ZNRF1: variants seen among roughly 807,000 people sequenced by gnomAD.
The protein encoded by ZNRF1 is zinc and ring finger 1, also known as E3 ubiquitin-protein ligase ZNRF1.
In ZNRF1, 3 loss-of-function variants were observed where a neutral mutation model predicts 18.4. That is an observed-to-expected ratio of 0.16 (90% CI 0.07 to 0.42). The LOEUF (loss-of-function observed/expected upper bound fraction) is 0.42, where lower values mean the gene tolerates loss of function less well. Among genes scored for constraint, ZNRF1 ranks in the 10% least tolerant of loss-of-function variants. The probability of loss-of-function intolerance (pLI) is 0.99; values close to 1 mark genes in which losing one functional copy is unlikely to be tolerated. For missense variants in ZNRF1, 310 were observed against 329.8 expected, an observed-to-expected ratio of 0.94 and a Z score of 0.47; for synonymous variants, 157 against 144.2, an observed-to-expected ratio of 1.09 and a Z score of -0.64.
At chr16:75,103,416 A>G (rs948523763) in intron 2 of ZNRF1, among the ~76,000 whole-genome samples, 1 of 152,222 alleles carries the variant, frequency 6.6e-6, no homozygotes, top group African/African-American at 2.4e-5. Context: ...TCGCCCCAAA[A>G]GAAAACCTCT....
chr16:75,025,311 GC>G (rs1249397343), intron 1 of ZNRF1, among the ~76,000 whole-genome samples: 2 of 151,954 alleles, frequency 1.3e-5, no homozygotes, highest in Non-Finnish European at 1.5e-5. Flanking sequence ...CTTGTGATCC[GC>G]CCATCTCGGC....
intron 1 of ZNRF1, among the ~76,000 whole-genome samples, chr16:75,025,948 G>A (rs531538752): frequency 1.0e-3 from 157 of 152,160 alleles, no homozygotes; most frequent in Non-Finnish European, 2.0e-3. Context: ...CACTCAGCCT[G>A]GTGCTTTTGC....
intron 1 of ZNRF1, among the ~76,000 whole-genome samples, chr16:75,084,992 C>G (rs1006815622): frequency 6.6e-6 from 1 of 152,190 alleles, no homozygotes; most frequent in Non-Finnish European, 1.5e-5. Context: ...TCATTAACTA[C>G]AGTTAGTTAA....
intron 1 of ZNRF1, among the ~76,000 whole-genome samples, chr16:75,052,855 T>G (rs2035622375): frequency 6.6e-6 from 1 of 152,270 alleles, no homozygotes; most frequent in Non-Finnish European, 1.5e-5. Context: ...GCACTCTTAA[T>G]CATTGCATGA....
At chr16:75,040,292 C>T (rs151039304) in intron 1 of ZNRF1, among the ~76,000 whole-genome samples, 91 of 151,920 alleles carry the variant, frequency 6.0e-4, no homozygotes, top group African/African-American at 1.9e-3. Context: ...CGTCACTCTG[C>T]CACCTAGGCT....
chr16:75,015,421 C>T (rs1370812923), intron 1 of ZNRF1, among the ~76,000 whole-genome samples: 1 of 152,086 alleles, frequency 6.6e-6, no homozygotes, highest in African/African-American at 2.4e-5. Flanking sequence ...ACTAAAAATA[C>T]AAAATGAGCT....
At chr16:75,056,637 T>A (rs558762404) in intron 1 of ZNRF1, among the ~76,000 whole-genome samples, 11 of 152,176 alleles carry the variant, frequency 7.2e-5, no homozygotes, top group Non-Finnish European at 1.3e-4. Flanking sequence ...TTTTTTTTTT[T>A]ATTCCTTTGA....
intron 1 of ZNRF1, among the ~76,000 whole-genome samples, chr16:75,064,030 G>A (rs1453168775): frequency 6.6e-6 from 1 of 152,174 alleles, no homozygotes; most frequent in East Asian, 1.9e-4. Context: ...GGGTGCAGTG[G>A]CTCACGCCTG....
chr16:75,011,113 T>A (rs948802127), intron 1 of ZNRF1, among the ~76,000 whole-genome samples: 2 of 152,188 alleles, frequency 1.3e-5, no homozygotes, highest in East Asian at 3.9e-4. Flanking sequence ...TTTTTGGAGA[T>A]CTTTTCATTT....
At chr16:75,022,807 C>G (rs980228510) in intron 1 of ZNRF1, among the ~76,000 whole-genome samples, 1 of 152,114 alleles carries the variant, frequency 6.6e-6, no homozygotes, top group Non-Finnish European at 1.5e-5. Flanking sequence ...CAGAGAGAAT[C>G]GGTAAATGTG....
intron 1 of ZNRF1, among the ~76,000 whole-genome samples, chr16:75,066,617 C>G (rs1296168545): frequency 6.6e-6 from 1 of 152,284 alleles, no homozygotes; most frequent in Admixed American, 6.5e-5. Flanking sequence ...ATTCTCCTGT[C>G]TCAGCCTCCT....
Position 75,002,717 on chromosome 16 carries a change from C to T in ZNRF1, c.424+2622C>T, listed in dbSNP as rs756405533. 2.6e-5 allele frequency among the ~76,000 whole-genome samples: 4 copies of T among 152,332 alleles called. 1 individual carries two copies. The East Asian group carries it at 7.7e-4, about 29-fold the overall frequency. The stretch of plus-strand genomic sequence containing the variant: ...TTTTTAAAATAGTTGTGGTCACCCT[C>T]ACGAGCTCCAGCCTTGCTCCGCAAA... On this transcript the variant is annotated intron_variant, in intron 1 of 4. Transcript: ENST00000335325.
In ZNRF1 at chr16:75,045,523, G is replaced by A. The variant is rs112730078; in HGVS notation, c.424+45428G>A. On this transcript the variant is annotated intron_variant, in intron 1 of 4. Transcript: ENST00000335325. ...TAAAGATGCTATGACAGTGTCAATC[G>A]CTGGCTTTATCTGAGCCATCCATAG... 3.5e-3 allele frequency among the ~76,000 whole-genome samples: 530 copies of A among 150,798 alleles called. 3 individuals are homozygous for A. Among genetic ancestry groups the A allele is most frequent in the South Asian group, 7.2e-3 (34 of 4,736 alleles).
intron 1 of ZNRF1, among the ~76,000 whole-genome samples, chr16:75,000,748 C>T (rs376038709): frequency 6.6e-6 from 1 of 152,208 alleles, no homozygotes; most frequent in Admixed American, 6.5e-5. Context: ...GTACTGCATG[C>T]AGCAGGCTTG....
chr16:75,073,376 C>G (rs1020300450), intron 1 of ZNRF1, among the ~76,000 whole-genome samples: 2 of 151,994 alleles, frequency 1.3e-5, no homozygotes, highest in Non-Finnish European at 2.9e-5. Context: ...GTTTGACACA[C>G]TATTGCTGGT....
At position 75,032,104 on chromosome 16, in the gene ZNRF1, G is replaced by GTTT. The variant is rs1162819265; in HGVS notation, c.424+32030_424+32032dup. Reference sequence around the variant, plus strand: ...GATATTGGGCATCTTTTCTTGTGAGGTTTTTTTTTTTTTTTTTTTTTTTGA... The same window carrying GTTT: ...GATATTGGGCATCTTTTCTTGTGAGGTTTTTTTTTTTTTTTTTTTTTTTTTTGA... On this transcript the variant is annotated intron_variant, in intron 1 of 4. Transcript: ENST00000335325. Among the ~76,000 whole-genome samples, 123 of 108,630 alleles carry GTTT rather than the reference G, an allele frequency of 1.1e-3. 2 individuals carry two copies. Among genetic ancestry groups the GTTT allele is most frequent in the African/African-American group, 1.7e-3 (41 of 23,650 alleles). 71.3% of individuals were successfully genotyped at this position (108,630 alleles called of 152,430 possible). A position where few individuals can be genotyped will look rare whatever the true frequency, so the allele number is the denominator to read the frequency against.
At chr16:75,066,534 G>A (rs933648677) in intron 1 of ZNRF1, among the ~76,000 whole-genome samples, 1 of 152,148 alleles carries the variant, frequency 6.6e-6, no homozygotes, top group African/African-American at 2.4e-5. Flanking sequence ...AGACAGTTTT[G>A]CTCGGTCACC....
At chr16:75,096,024 ACCT>A (rs1353890237) in intron 2 of ZNRF1, among the ~76,000 whole-genome samples, 1 of 145,210 alleles carries the variant, frequency 6.9e-6, no homozygotes, top group East Asian at 2.0e-4. Flanking sequence ...GGGGCAGGCC[ACCT>A]CCTCAAGGGT....
intron 1 of ZNRF1, among the ~76,000 whole-genome samples, chr16:75,040,048 T>C (rs1233093638): frequency 2.4e-3 from 130 of 53,580 alleles, no homozygotes; most frequent in African/African-American, 3.8e-3. Flanking sequence ...CTTTCTTTTT[T>C]TTTTTTTTTT....
Sources: gnomAD v4.1 joint callset for allele counts (sites outside exome capture counted in the v4.1 genomes callset) on GRCh38, gnomAD v4.1.1 for gene constraint, MANE v1.5 for transcripts, NCBI Gene and HGNC (gene_info 2026-07-23, HGNC 2026-07-21) for gene names.